The following ROBO1 variants were observed in gnomAD, a reference collection of about 807,000 sequenced individuals.
ROBO1 encodes the protein roundabout homolog 1.
A neutral mutation model predicts 195.9 loss-of-function variants in ROBO1; 149 were observed. The observed-to-expected ratio is 0.76, with a 90% confidence interval of 0.67 to 0.87. The LOEUF is 0.87. ROBO1 is among the 40% of genes least tolerant of loss of function. The probability of loss-of-function intolerance (pLI) is 0.00; values close to 1 mark genes in which losing one functional copy is unlikely to be tolerated. For synonymous variants in ROBO1, 816 were observed against 733.2 expected, an observed-to-expected ratio of 1.11 and a Z score of -1.82; for missense variants, 1,933 against 2,068.3, an observed-to-expected ratio of 0.93 and a Z score of 1.27.
At chr3:79,549,292 T>C (rs940402136) in intron 2 of ROBO1, among the ~76,000 whole-genome samples, 5 of 152,196 alleles carry the variant, frequency 3.3e-5, no homozygotes, top group African/African-American at 9.7e-5. Flanking sequence ...TATAATGTGA[T>C]ATACGACATA....
intron 5 of ROBO1, among the ~76,000 whole-genome samples, chr3:78,744,449 A>G (rs1021656389): frequency 6.6e-6 from 1 of 152,164 alleles, no homozygotes; most frequent in African/African-American, 2.4e-5. Context: ...CTTACTTAGA[A>G]GAAAAGCCAA....
chr3:78,807,716 T>G (rs1385214141), intron 4 of ROBO1, among the ~76,000 whole-genome samples: 1 of 152,212 alleles, frequency 6.6e-6, no homozygotes, highest in African/African-American at 2.4e-5. Flanking sequence ...TGCATCCTTT[T>G]AACTTTAATT....
At chr3:79,516,040 A>G (rs549158593) in intron 2 of ROBO1, among the ~76,000 whole-genome samples, 2 of 152,250 alleles carry the variant, frequency 1.3e-5, no homozygotes, top group Admixed American at 6.5e-5. Context: ...TCAGTCTCCA[A>G]GTTTCTTTCC....
At chr3:79,074,126 A>G (rs926006053) in intron 3 of ROBO1, among the ~76,000 whole-genome samples, 5 of 151,660 alleles carry the variant, frequency 3.3e-5, no homozygotes, top group African/African-American at 1.2e-4. Flanking sequence ...ACAGAATTAT[A>G]TTTCTTGGGA....
chr3:78,907,874 A>C (rs527734623), intron 4 of ROBO1, among the ~76,000 whole-genome samples: 1 of 151,950 alleles, frequency 6.6e-6, no homozygotes, highest in Non-Finnish European at 1.5e-5. Flanking sequence ...ATGAAGAAAA[A>C]TTTTTAAAGT....
intron 2 of ROBO1, among the ~76,000 whole-genome samples, chr3:79,189,536 A>G (rs2081501296): frequency 6.6e-6 from 1 of 151,768 alleles, no homozygotes; most frequent in Non-Finnish European, 1.5e-5. Context: ...AAATGCTAGC[A>G]TTAACAGAGA....
At chr3:78,936,339 G>A (rs945193742) in intron 4 of ROBO1, among the ~76,000 whole-genome samples, 3 of 151,950 alleles carry the variant, frequency 2.0e-5, no homozygotes, top group Admixed American at 6.6e-5. Context: ...CAACAACTGC[G>A]CTATGAAACC....
intron 2 of ROBO1, among the ~76,000 whole-genome samples, chr3:79,575,139 CAAAT>C (rs1249790607): frequency 1.0e-5 from 1 of 99,114 alleles, no homozygotes; most frequent in Non-Finnish European, 1.9e-5. Context: ...ATATATATAA[CAAAT>C]ATATAAATAT....
rs2107529640 is a variant in ROBO1 at position 79,763,368 on chromosome 3, A to T, written c.-51+4384T>A. On this transcript the variant is annotated intron_variant, in intron 1 of 30. Coordinates refer to ENST00000464233, the MANE Select transcript of ROBO1 (RefSeq NM_002941.4). ...AAAAAATGTTAGCTTACTCCTCTTAATCCCTGAATAAAGACCAAATTAGAC... is the reference window on the plus strand; with the variant it reads ...AAAAAATGTTAGCTTACTCCTCTTATTCCCTGAATAAAGACCAAATTAGAC... Among the ~76,000 whole-genome samples, 3 of 152,324 alleles carry T rather than the reference A, an allele frequency of 2.0e-5. No homozygotes were observed. The Middle Eastern group carries it at 0.01, about 518-fold the overall frequency.
At chr3:79,171,179 C>T (rs1035297618) in intron 2 of ROBO1, among the ~76,000 whole-genome samples, 8 of 149,022 alleles carry the variant, frequency 5.4e-5, no homozygotes, top group African/African-American at 2.0e-4. Flanking sequence ...AAAAACAAAG[C>T]TTATAAATTA....
intron 2 of ROBO1, among the ~76,000 whole-genome samples, chr3:79,276,118 A>T (rs189172020): frequency 2.0e-5 from 3 of 152,210 alleles, no homozygotes; most frequent in Admixed American, 2.0e-4. Flanking sequence ...CATATAAAAA[A>T]TAATCCTAAA....
chr3:79,359,395 G>T (rs1298278906), intron 2 of ROBO1, among the ~76,000 whole-genome samples: 1 of 151,918 alleles, frequency 6.6e-6, no homozygotes, highest in African/African-American at 2.4e-5. Flanking sequence ...TCCATACATG[G>T]TCAAAATAAT....
chr3:79,579,639 T>A (rs1029436957), intron 2 of ROBO1, among the ~76,000 whole-genome samples: 4 of 152,324 alleles, frequency 2.6e-5, no homozygotes, highest in African/African-American at 9.6e-5. Flanking sequence ...TAATGATGCA[T>A]CTTAGAATCA....
chr3:78,861,901 T>C (rs763942598), intron 4 of ROBO1, among the ~76,000 whole-genome samples: 21 of 152,218 alleles, frequency 1.4e-4, no homozygotes, highest in Non-Finnish European at 2.8e-4. Context: ...AGGGAAAGGC[T>C]GCCTGCCTAT....
intron 1 of ROBO1, among the ~76,000 whole-genome samples, chr3:79,648,708 A>G (rs1456021235): frequency 6.6e-6 from 1 of 152,140 alleles, no homozygotes; most frequent in Non-Finnish European, 1.5e-5. Context: ...ATGAATTGTC[A>G]TTATGAGTCT....
intron 2 of ROBO1, among the ~76,000 whole-genome samples, chr3:79,483,118 A>G (rs1938956704): frequency 6.6e-6 from 1 of 152,208 alleles, no homozygotes; most frequent in Non-Finnish European, 1.5e-5. Flanking sequence ...CTTTGTTTGA[A>G]CCAATATTTA....
chr3:78,723,087 G>A (rs1441575085), intron 5 of ROBO1, among the ~76,000 whole-genome samples: 2 of 152,168 alleles, frequency 1.3e-5, no homozygotes, highest in African/African-American at 2.4e-5. Context: ...TTTTGGTTAA[G>A]GATGAACCTC....
chr3:79,018,890 A>C, intron 3 of ROBO1: 3 of 994,610 alleles, frequency 3.0e-6, no homozygotes, highest in Non-Finnish European at 3.6e-6. Flanking sequence ...AGAGCTGCTG[A>C]GGGAGGGCCA....
chr3:78,738,331 A>G (rs927737720), intron 5 of ROBO1, among the ~76,000 whole-genome samples: 3 of 152,146 alleles, frequency 2.0e-5, no homozygotes, highest in Non-Finnish European at 4.4e-5. Flanking sequence ...ACCTGATGAC[A>G]TACTCCATTC....
Sources: gnomAD v4.1 joint callset for allele counts (sites outside exome capture counted in the v4.1 genomes callset) on GRCh38, gnomAD v4.1.1 for gene constraint, MANE v1.5 for transcripts, NCBI Gene and HGNC (gene_info 2026-07-23, HGNC 2026-07-21) for gene names.